Variants in DENND5B observed in about 807,000 individuals in gnomAD.
The protein encoded by DENND5B is DENN domain-containing protein 5B.
Under a neutral mutation model 140.6 loss-of-function variants are expected in DENND5B, and 34 were observed. The observed-to-expected ratio is 0.24, with a 90% confidence interval of 0.18 to 0.32. The LOEUF is 0.32. DENND5B is among the 10% of genes least tolerant of loss of function. The probability of loss-of-function intolerance (pLI) is 1.00; values close to 1 mark genes in which losing one functional copy is unlikely to be tolerated. For missense variants in DENND5B, 1,142 were observed against 1,560.2 expected (o/e 0.73, Z 4.52); for synonymous variants, 551 against 562.1 (o/e 0.98, Z 0.28).
At chr12:31,481,441 AG>A (rs1946063489) in intron 2 of DENND5B, among the ~76,000 whole-genome samples, 1 of 152,224 alleles carries the variant, frequency 6.6e-6, no homozygotes, top group Non-Finnish European at 1.5e-5. Flanking sequence ...CTATAAAGTA[AG>A]GGAAGTGCTA....
chr12:31,455,315 T>C (rs970973178), intron 4 of DENND5B, among the ~76,000 whole-genome samples: 1 of 152,166 alleles, frequency 6.6e-6, no homozygotes, highest in African/African-American at 2.4e-5. Flanking sequence ...ATTATGGTCA[T>C]GAAATCACTG....
At chr12:31,467,185 A>G (rs1262505591) in intron 3 of DENND5B, among the ~76,000 whole-genome samples, 1 of 152,130 alleles carries the variant, frequency 6.6e-6, no homozygotes, top group Non-Finnish European at 1.5e-5. Flanking sequence ...TTAACATCCA[A>G]TGAACTATTT....
chr12:31,504,230 TTTTTAAC>T (rs1292546821), intron 1 of DENND5B, among the ~76,000 whole-genome samples: 1 of 152,226 alleles, frequency 6.6e-6, no homozygotes, highest in Non-Finnish European at 1.5e-5. Context: ...TGTGACTAAT[TTTTTAAC>T]TTAACATACT....
At position 31,447,564 on chromosome 12, in the gene DENND5B, T is replaced by C. The variant is rs1343067195; in HGVS notation, c.1835A>G (p.Gln612Arg). Residue 612 changes from glutamine to arginine, a missense_variant, in exon 6 of 21, where the codon CAG (glutamine) becomes CGG (arginine). Gln to Arg is a conservative substitution (Grantham distance 43). Around this residue, in one of 5 missense-constraint regions of DENND5B, gnomAD observed 708 missense variants for 905.5 expected, o/e 0.78. Coordinates refer to ENST00000389082, the MANE Select transcript of DENND5B (RefSeq NM_144973.4). ...RAPTLRTSIY[Q>R]KCSTLKEAAQ... Reference sequence around the variant, plus strand: ...TGCTTCTTTTAAAGTGCTGCATTTCTGATATATAGATGTCCGCAAGGTGGG... The same window carrying C: ...TGCTTCTTTTAAAGTGCTGCATTTCCGATATATAGATGTCCGCAAGGTGGG... 6.2e-7 allele frequency: 1 copy of C among 1,612,430 alleles called. No individual in the cohort carries two copies. The highest frequency in any genetic ancestry group is 8.5e-7 in the Non-Finnish European group (1 of 1,179,082).
At chr12:31,550,026 G>A (rs951491825) in intron 1 of DENND5B, among the ~76,000 whole-genome samples, 4 of 151,694 alleles carry the variant, frequency 2.6e-5, no homozygotes, top group African/African-American at 9.7e-5. Flanking sequence ...AGATCTCTGA[G>A]GAATCATAAA....
At chr12:31,403,763 G>A (rs1181379360) in intron 14 of DENND5B, among the ~76,000 whole-genome samples, 1 of 150,716 alleles carries the variant, frequency 6.6e-6, no homozygotes, top group Non-Finnish European at 1.5e-5. Context: ...AGGTGTGGTG[G>A]CACACACCTG....
At chr12:31,579,212 G>A (rs1950124694) in intron 1 of DENND5B, among the ~76,000 whole-genome samples, 1 of 152,172 alleles carries the variant, frequency 6.6e-6, no homozygotes, top group South Asian at 2.1e-4. Context: ...TAGATTCTTG[G>A]AAAAGGTGCA....
intron 3 of DENND5B, among the ~76,000 whole-genome samples, chr12:31,474,172 C>T (rs1318639219): frequency 6.6e-6 from 1 of 152,160 alleles, no homozygotes; most frequent in Non-Finnish European, 1.5e-5. Flanking sequence ...ACAAGCACTG[C>T]AAAGGCACAC....
At chr12:31,508,695 T>C (rs1456589261) in intron 1 of DENND5B, among the ~76,000 whole-genome samples, 3 of 152,232 alleles carry the variant, frequency 2.0e-5, no homozygotes, top group African/African-American at 7.2e-5. Context: ...TCTGAGTCTC[T>C]CTGCGTTAGT....
intron 1 of DENND5B, among the ~76,000 whole-genome samples, chr12:31,544,383 G>T (rs1478620925): frequency 1.3e-5 from 2 of 152,166 alleles, no homozygotes; most frequent in Admixed American, 1.3e-4. Context: ...CAGGGCTCAA[G>T]CAATCCTCCT....
chr12:31,526,311 C>T (rs1020772893), intron 1 of DENND5B, among the ~76,000 whole-genome samples: 13 of 152,008 alleles, frequency 8.6e-5, no homozygotes, highest in Admixed American at 1.3e-4. Flanking sequence ...AATGGTTAGG[C>T]TAGGATTCAC....
chr12:31,402,766 T>C (rs954397934), intron 14 of DENND5B, 123 bp from the exon 15 acceptor site: 2 of 1,169,170 alleles, frequency 1.7e-6, no homozygotes, highest in African/African-American at 1.5e-5. Flanking sequence ...TATCAAGATG[T>C]ACTTATACGA....
intron 2 of DENND5B, 92 bp downstream of exon 2, chr12:31,495,718 A>G: frequency 1.0e-6 from 1 of 978,600 alleles, no homozygotes; most frequent in South Asian, 1.9e-5. Flanking sequence ...ATGAAATGAA[A>G]TAAGGTAGAC....
intron 1 of DENND5B, among the ~76,000 whole-genome samples, chr12:31,555,106 C>A (rs568776389): frequency 5.9e-5 from 9 of 152,182 alleles, no homozygotes; most frequent in African/African-American, 2.2e-4. Context: ...TGAGGAGCTG[C>A]GTTCCTTTGG....
At chr12:31,429,601 G>A (rs1241329442) in intron 8 of DENND5B, among the ~76,000 whole-genome samples, 2 of 151,652 alleles carry the variant, frequency 1.3e-5, no homozygotes, top group East Asian at 2.0e-4. Context: ...TAGAGACGGG[G>A]TTTCGCCATG....
Position 31,386,924 on chromosome 12 carries a change from T to C in DENND5B, c.*679A>G, listed in dbSNP as rs1940877511. 6.6e-6 allele frequency: 1 copy of C among 152,216 alleles called. No homozygotes were observed. The highest frequency in any genetic ancestry group is 1.5e-5 in the Non-Finnish European group (1 of 68,032). 9.4% of individuals were successfully genotyped at this position (152,216 alleles called of 1,614,324 possible). A position where few individuals can be genotyped will look rare whatever the true frequency, so the allele number is the denominator to read the frequency against. ...ACAATTGAACACATTTCTCAGAGCTTTGTATGTTCTCTTTCCAGTTCAGCC... is the reference window on the plus strand; with the variant it reads ...ACAATTGAACACATTTCTCAGAGCTCTGTATGTTCTCTTTCCAGTTCAGCC... On this transcript the variant is annotated 3_prime_UTR_variant, in exon 21 of 21. Transcript: ENST00000389082.
intron 1 of DENND5B, chr12:31,540,959 CA>C: frequency 2.2e-6 from 1 of 450,998 alleles, no homozygotes; most frequent in Non-Finnish European, 4.5e-6. Flanking sequence ...GGAGAAAGGA[CA>C]GTCTCTTCAG....
intron 15 of DENND5B, among the ~76,000 whole-genome samples, chr12:31,400,731 T>A (rs929634031): frequency 2.0e-5 from 3 of 152,224 alleles, no homozygotes; most frequent in Admixed American, 2.0e-4. Flanking sequence ...TACTTTTAGT[T>A]ATTTTAAAAT....
At chr12:31,562,014 G>A (rs1949492456) in intron 1 of DENND5B, among the ~76,000 whole-genome samples, 1 of 152,162 alleles carries the variant, frequency 6.6e-6, no homozygotes. Flanking sequence ...TACATTAATT[G>A]GGTACTTCCC....
Sources: allele counts gnomAD v4.1 joint callset (sites outside exome capture counted in the v4.1 genomes callset), GRCh38; gene constraint gnomAD v4.1.1; regional missense constraint gnomAD v4.1.1; transcripts MANE v1.5; gene names NCBI Gene and HGNC (gene_info 2026-07-23, HGNC 2026-07-21).